The following COL5A2 variants were observed in gnomAD, a reference collection of about 807,000 sequenced individuals.
COL5A2 encodes collagen type V alpha 2 chain.
Under a neutral mutation model 208.2 loss-of-function variants are expected in COL5A2, and 23 were observed. That is an observed-to-expected ratio of 0.11 (90% CI 0.08 to 0.16). The LOEUF is 0.16. Among genes scored for constraint, COL5A2 ranks in the 10% least tolerant of loss-of-function variants. The pLI is 1.00. For missense variants in COL5A2, 1,590 were observed against 1,956.4 expected, an observed-to-expected ratio of 0.81 and a Z score of 3.53; for synonymous variants, 625 against 628.5, an observed-to-expected ratio of 0.99 and a Z score of 0.08.
chr2:189,063,392 T>A, intron 26 of COL5A2, 122 bp from the exon 27 acceptor site: 1 of 836,624 alleles, frequency 1.2e-6, no homozygotes, highest in Middle Eastern at 3.2e-4. Flanking sequence ...TGCATTTTCA[T>A]GTTAAAGAAT....
At chr2:189,256,821 G>C in the COL5A2 span, among the ~76,000 whole-genome samples, 1 of 152,168 alleles carries the variant, frequency 6.6e-6, no homozygotes, top group East Asian at 1.9e-4. Flanking sequence ...GTAGAGACAG[G>C]GTTTCACCAT....
chr2:189,098,689 A>G, intron 5 of COL5A2, 38 bp downstream of exon 5: 1 of 1,521,130 alleles, frequency 6.6e-7, no homozygotes, highest in Admixed American at 1.7e-5. Flanking sequence ...ATCTCAAGGA[A>G]TACAAGAGTA....
chr2:189,101,247 T>C (rs570109133), intron 3 of COL5A2, among the ~76,000 whole-genome samples: 1 of 152,178 alleles, frequency 6.6e-6, no homozygotes, highest in Non-Finnish European at 1.5e-5. Flanking sequence ...TATTTCTCCT[T>C]TCATATATAT....
intron 33 of COL5A2, among the ~76,000 whole-genome samples, chr2:189,057,719 T>C (rs1035896633): frequency 6.6e-6 from 1 of 152,204 alleles, no homozygotes; most frequent in Non-Finnish European, 1.5e-5. Flanking sequence ...GTTGGCAACA[T>C]AATGGAATAT....
chr2:189,424,086 T>C, the COL5A2 span, among the ~76,000 whole-genome samples: 2 of 152,078 alleles, frequency 1.3e-5, no homozygotes, highest in Non-Finnish European at 2.9e-5. Flanking sequence ...ATTAACAGAA[T>C]GAAAGACACA....
At chr2:189,052,386 A>C (rs1685809358) in intron 40 of COL5A2, among the ~76,000 whole-genome samples, 161 bp from the exon 41 acceptor site, 1 of 152,136 alleles carries the variant, frequency 6.6e-6, no homozygotes, top group Admixed American at 6.5e-5. Flanking sequence ...ATTTTGGGGA[A>C]TTAATCTAGA....
chr2:189,340,350 T>C, the COL5A2 span, among the ~76,000 whole-genome samples: 6 of 152,158 alleles, frequency 3.9e-5, no homozygotes, highest in Admixed American at 6.5e-5. Flanking sequence ...AAAGATGGGA[T>C]TGGAGGTGGG....
the COL5A2 span, among the ~76,000 whole-genome samples, chr2:189,282,899 T>G: frequency 1.3e-5 from 2 of 152,118 alleles, no homozygotes; most frequent in African/African-American, 4.8e-5. Context: ...TAGGATAAAT[T>G]CAAAATATTT....
intron 31 of COL5A2, among the ~76,000 whole-genome samples, chr2:189,060,010 T>A (rs1685992945): frequency 6.6e-6 from 1 of 152,104 alleles, no homozygotes; most frequent in Non-Finnish European, 1.5e-5. Flanking sequence ...CCAAATTACA[T>A]TACCCACTCT....
the COL5A2 span, among the ~76,000 whole-genome samples, chr2:189,247,319 C>T: frequency 6.6e-6 from 1 of 152,130 alleles, no homozygotes; most frequent in Non-Finnish European, 1.5e-5. Flanking sequence ...TTAATACATG[C>T]TTATGTTAAT....
chr2:189,119,674 A>C (rs2105732527), intron 1 of COL5A2, among the ~76,000 whole-genome samples: 1 of 152,218 alleles, frequency 6.6e-6, no homozygotes, highest in South Asian at 2.1e-4. Flanking sequence ...TTCTTTAAAT[A>C]CCTGTGGAAA....
the COL5A2 span, among the ~76,000 whole-genome samples, chr2:189,313,402 T>C: frequency 7.9e-5 from 12 of 152,290 alleles, no homozygotes; most frequent in African/African-American, 2.9e-4. Context: ...TGAGAGAACT[T>C]GTTACCTCCA....
intron 1 of COL5A2, among the ~76,000 whole-genome samples, chr2:189,202,641 C>T (rs1689093071): frequency 6.6e-6 from 1 of 152,030 alleles, no homozygotes; most frequent in South Asian, 2.1e-4. Context: ...GGTAAATTGA[C>T]ATTGATGGGT....
upstream of COL5A2, among the ~76,000 whole-genome samples, chr2:189,228,220 A>C (rs181102282): frequency 1.7e-3 from 264 of 152,034 alleles, 1 homozygote; most frequent in African/African-American, 6.2e-3. Flanking sequence ...GAAGGATCTA[A>C]AGCAACCTAA....
chr2:189,267,586 A>AT, the COL5A2 span, among the ~76,000 whole-genome samples: 2 of 152,178 alleles, frequency 1.3e-5, no homozygotes, highest in African/African-American at 4.8e-5. Flanking sequence ...AAGCAATAGA[A>AT]TAAGAAGGCC....
intron 1 of COL5A2, among the ~76,000 whole-genome samples, chr2:189,186,009 A>C (rs1299768858): frequency 6.6e-6 from 1 of 151,228 alleles, no homozygotes; most frequent in Non-Finnish European, 1.5e-5. Context: ...AGCAAACCAT[A>C]ATTTTTTTTT....
the COL5A2 span, among the ~76,000 whole-genome samples, chr2:189,406,842 C>T: frequency 6.6e-6 from 1 of 151,956 alleles, no homozygotes; most frequent in Non-Finnish European, 1.5e-5. Context: ...AAAGTACACA[C>T]AGAGAAATCA....
At chr2:189,163,868 A>G (rs1688416674) in intron 1 of COL5A2, among the ~76,000 whole-genome samples, 1 of 152,236 alleles carries the variant, frequency 6.6e-6, no homozygotes, top group South Asian at 2.1e-4. Context: ...CCACAAAATC[A>G]CCAAGTTAGT....
At chr2:189,376,264 C>T in the COL5A2 span, among the ~76,000 whole-genome samples, 1 of 152,116 alleles carries the variant, frequency 6.6e-6, no homozygotes, top group East Asian at 1.9e-4. Flanking sequence ...TTTATTGCCT[C>T]ACTATCAATA....
Sources: allele counts gnomAD v4.1 joint callset (sites outside exome capture counted in the v4.1 genomes callset), GRCh38; gene constraint gnomAD v4.1.1; transcripts MANE v1.5; gene names NCBI Gene and HGNC (gene_info 2026-07-23, HGNC 2026-07-21).